Variants in VPS37A observed in about 807,000 individuals in gnomAD.
VPS37A encodes the protein vacuolar protein sorting-associated protein 37A.
A neutral mutation model predicts 49.8 loss-of-function variants in VPS37A; 30 were observed. The ratio of observed to expected loss-of-function variants is 0.60; its 90% CI spans 0.45 to 0.82. The LOEUF is 0.82. Among genes scored for constraint, VPS37A ranks in the 40% least tolerant of loss-of-function variants. VPS37A has a pLI of 0.00. For missense variants in VPS37A, 593 were observed against 464.4 expected, an observed-to-expected ratio of 1.28 and a Z score of -2.55; for synonymous variants, 195 against 160.6, an observed-to-expected ratio of 1.21 and a Z score of -1.62.
chr8:17,263,143 C>G (rs1813117681), intron 1 of VPS37A, among the ~76,000 whole-genome samples: 1 of 151,002 alleles, frequency 6.6e-6, no homozygotes, highest in South Asian at 2.1e-4. Context: ...GAGTAACTTA[C>G]AAAATTGATG....
intron 1 of VPS37A, among the ~76,000 whole-genome samples, chr8:17,252,975 T>C (rs373228008): frequency 1.3e-5 from 2 of 152,330 alleles, no homozygotes; most frequent in East Asian, 3.9e-4. Flanking sequence ...ACACATTAAA[T>C]TATATTGTCT....
chr8:17,282,655 C>T (rs758275347), intron 9 of VPS37A, among the ~76,000 whole-genome samples: 4 of 151,932 alleles, frequency 2.6e-5, no homozygotes, highest in Non-Finnish European at 4.4e-5. Context: ...ATATAAATGT[C>T]CAATAAAGAT....
intron 4 of VPS37A, among the ~76,000 whole-genome samples, chr8:17,269,346 A>G (rs1009949245): frequency 6.6e-6 from 1 of 152,070 alleles, no homozygotes. Flanking sequence ...AATATTGTCC[A>G]TTGCTGAGCC....
At chr8:17,263,819 T>C (rs919376238) in intron 1 of VPS37A, among the ~76,000 whole-genome samples, 2 of 152,068 alleles carry the variant, frequency 1.3e-5, no homozygotes, top group African/African-American at 4.8e-5. Flanking sequence ...CACACACCTG[T>C]AGTCCCAGCT....
At chr8:17,298,967 T>C (rs1447327251), downstream of VPS37A, 2 of 152,218 alleles carry the variant, frequency 1.3e-5, no homozygotes, top group African/African-American at 4.8e-5. Flanking sequence ...CCCAATTCTC[T>C]GGTTCTTGAA....
At position 17,247,259 on chromosome 8, in the gene VPS37A, TC is replaced by T; in HGVS notation, c.19del (p.Leu7Ter). 3.2e-6 allele frequency: 5 copies of T among 1,571,372 alleles called. No homozygotes were observed. Among genetic ancestry groups the T allele is most frequent in the Non-Finnish European group, 3.5e-6 (4 of 1,158,294 alleles). On this transcript the variant is annotated frameshift_variant, in exon 1 of 12. Coordinates refer to ENST00000324849, the MANE Select transcript of VPS37A (RefSeq NM_152415.3). LOFTEE classifies it high-confidence loss of function. MSWLF[P>X]LTKSASSSAA... ...ACCCGAGGAGGATGAGCTGGCTTTTTCCCCTGACCAAGAGCGCCTCCTCCTC... is the reference window on the plus strand; with the variant it reads ...ACCCGAGGAGGATGAGCTGGCTTTTTCCCTGACCAAGAGCGCCTCCTCCTC...
At chr8:17,333,292 G>A in the VPS37A span, among the ~76,000 whole-genome samples, 24,282 of 150,674 alleles carry the variant, frequency 0.16, 2,931 homozygotes, top group African/African-American at 0.34. Flanking sequence ...CACACTTTAA[G>A]AAGTATAAAT....
chr8:17,305,213 G>A (rs749955482), downstream of VPS37A, among the ~76,000 whole-genome samples: 40 of 152,130 alleles, frequency 2.6e-4, no homozygotes, highest in Admixed American at 9.2e-4. Context: ...ATACACCATA[G>A]TTAAAACCAT....
chr8:17,311,620 C>A, the VPS37A span: 3 of 1,614,092 alleles, frequency 1.9e-6, no homozygotes, highest in Non-Finnish European at 1.7e-6. Flanking sequence ...CACACTTGCC[C>A]CTTCCTCTGA....
intron 2 of VPS37A, among the ~76,000 whole-genome samples, chr8:17,267,612 A>T (rs186814773): frequency 6.6e-6 from 1 of 152,188 alleles, no homozygotes; most frequent in African/African-American, 2.4e-5. Context: ...CATTGTTTCA[A>T]TCCTCCTACT....
At chr8:17,312,740 G>A in the VPS37A span, among the ~76,000 whole-genome samples, 1 of 151,926 alleles carries the variant, frequency 6.6e-6, no homozygotes, top group African/African-American at 2.4e-5. Flanking sequence ...CCTCAAAACA[G>A]GGAACATACC....
chr8:17,265,647 A>C (rs749282284), intron 1 of VPS37A: 110 of 739,978 alleles, frequency 1.5e-4, no homozygotes, highest in Non-Finnish European at 2.1e-4. Context: ...ACAGTGTAGC[A>C]TTAATGAAGA....
the VPS37A span, among the ~76,000 whole-genome samples, chr8:17,317,997 C>T: frequency 1.3e-5 from 2 of 152,012 alleles, no homozygotes; most frequent in Admixed American, 1.3e-4. Flanking sequence ...GGAACAGAAA[C>T]AAGAAATTCC....
chr8:17,305,944 C>G, downstream of VPS37A: 1 of 1,612,804 alleles, frequency 6.2e-7, no homozygotes, highest in Non-Finnish European at 8.5e-7. Flanking sequence ...GGGTCACCAT[C>G]TAGATTGCCA....
intron 1 of VPS37A, among the ~76,000 whole-genome samples, chr8:17,261,515 C>T (rs11779782): frequency 0.24 from 35,812 of 152,088 alleles, 5,284 homozygotes; most frequent in East Asian, 0.6. Flanking sequence ...TCCCTGTTTG[C>T]TCTTGTTTCC....
intron 1 of VPS37A, chr8:17,248,399 C>G (rs56833138): frequency 4.2e-5 from 19 of 455,394 alleles, no homozygotes; most frequent in Non-Finnish European, 7.5e-5. Context: ...CACACCCCTC[C>G]GAGTAGCTGG....
chr8:17,323,114 A>T, the VPS37A span, among the ~76,000 whole-genome samples: 29 of 151,612 alleles, frequency 1.9e-4, no homozygotes, highest in Non-Finnish European at 4.0e-4. Flanking sequence ...CGCCCAGCTA[A>T]TTTTTGTATT....
rs994372676 is a variant in VPS37A, at chr8:17,291,009, C to CT, written c.*1-3970dup. On this transcript the variant is annotated intron_variant, in intron 11 of 11. Coordinates refer to ENST00000324849, the MANE Select transcript of VPS37A (RefSeq NM_152415.3). ...GTATTTCTGTGGGATCGGTGGTGAT[C>CT]TTTTTTTTGTTGTTGTTGTTTTGTG... is the stretch of plus-strand genomic sequence containing the variant. 8.0e-4 allele frequency among the ~76,000 whole-genome samples: 121 copies of CT among 151,628 alleles called. 1 individual carries two copies. The highest frequency in any genetic ancestry group is 3.4e-3 in the Middle Eastern group (1 of 294).
intron 1 of VPS37A, among the ~76,000 whole-genome samples, chr8:17,254,611 C>G (rs1812268589): frequency 6.6e-6 from 1 of 151,916 alleles, no homozygotes; most frequent in Non-Finnish European, 1.5e-5. Context: ...GATTTTTTTC[C>G]TTGTTTACTT....
Sources: allele counts gnomAD v4.1 joint callset (sites outside exome capture counted in the v4.1 genomes callset), GRCh38; gene constraint gnomAD v4.1.1; transcripts MANE v1.5; gene names NCBI Gene and HGNC (gene_info 2026-07-23, HGNC 2026-07-21).